OSBPL3: variants seen among roughly 807,000 people sequenced by gnomAD.
OSBPL3 encodes the protein oxysterol binding protein like 3, also known as oxysterol-binding protein-related protein 3.
Under a neutral mutation model 120.1 loss-of-function variants are expected in OSBPL3, and 65 were observed. The ratio of observed to expected loss-of-function variants is 0.54; its 90% CI spans 0.44 to 0.67. The LOEUF (loss-of-function observed/expected upper bound fraction) is 0.67. OSBPL3 is among the 30% of genes least tolerant of loss of function. The pLI is 0.00. For missense variants in OSBPL3, 1,004 were observed against 1,082.1 expected (o/e 0.93, Z 1.01); for synonymous variants, 416 against 402.6 (o/e 1.03, Z -0.40).
At position 24,953,048 on chromosome 7, in the gene OSBPL3, G is replaced by T. The variant is rs1307093237; in HGVS notation, c.-150+26838C>A. ...CCTACTTGAGAGACTAGGATAGGAGGGTCACTTGAGCCTAGGATTTCAAGG... is the reference window on the plus strand; with the variant it reads ...CCTACTTGAGAGACTAGGATAGGAGTGTCACTTGAGCCTAGGATTTCAAGG... On this transcript the variant is annotated intron_variant, in intron 1 of 22. Transcript: ENST00000313367. This position sits in a 1 kb window ranked among gnomAD's most constrained non-coding sequence, Gnocchi z 4.3. Among the ~76,000 whole-genome samples, 3 of 152,170 alleles carry T rather than the reference G, an allele frequency of 2.0e-5. No homozygotes were observed. The highest frequency in any genetic ancestry group is 3.9e-4 in the East Asian group (2 of 5,178).
intron 2 of OSBPL3, among the ~76,000 whole-genome samples, chr7:24,887,304 A>G (rs1804668314): frequency 1.3e-5 from 2 of 152,202 alleles, no homozygotes; most frequent in African/African-American, 4.8e-5. Context: ...TCCTACAAGA[A>G]AAGTAGATTC....
intron 22 of OSBPL3, among the ~76,000 whole-genome samples, chr7:24,801,737 A>G (rs911944863): frequency 1.3e-5 from 2 of 152,248 alleles, no homozygotes; most frequent in South Asian, 2.1e-4. Context: ...GCGGGGCTGC[A>G]TAATAGCTAC....
chr7:24,847,424 GT>G (rs1462400677), intron 12 of OSBPL3, among the ~76,000 whole-genome samples: 2 of 152,220 alleles, frequency 1.3e-5, no homozygotes, highest in African/African-American at 4.8e-5. Flanking sequence ...CAAGAAGGCT[GT>G]TTTGGAAGGT....
upstream of OSBPL3, chr7:24,981,565 A>ATTCTGTTCACATTTCATC (rs1818365489): frequency 6.6e-6 from 1 of 152,374 alleles, no homozygotes; most frequent in Non-Finnish European, 1.5e-5. The surrounding 1 kb of genome is among the most constrained non-coding windows in gnomAD (Gnocchi z 7.3). Context: ...TTCCGGAGCT[A>ATTCTGTTCACATTTCATC]TTCTGTTCAC....
rs1562762217 is a variant in OSBPL3 at position 24,813,034 on chromosome 7, G to A, written c.2172+2025C>T. 2.0e-5 allele frequency among the ~76,000 whole-genome samples: 3 copies of A among 152,124 alleles called. No homozygotes were observed. Among genetic ancestry groups the A allele is most frequent in the South Asian group, 2.1e-4 (1 of 4,822 alleles). On this transcript the variant is annotated intron_variant, in intron 19 of 22. Coordinates refer to ENST00000313367, the MANE Select transcript of OSBPL3 (RefSeq NM_015550.4). This position sits in a 1 kb window ranked among gnomAD's most constrained non-coding sequence, Gnocchi z 4.5. Reference sequence around the variant, plus strand: ...GCTGGGACTACAGGTGCATGCCACCGTGTCTGGCTAATTTTTAAATTTGTT... The same window carrying A: ...GCTGGGACTACAGGTGCATGCCACCATGTCTGGCTAATTTTTAAATTTGTT...
chr7:24,886,780 T>C (rs1804591657), intron 2 of OSBPL3, among the ~76,000 whole-genome samples: 1 of 152,194 alleles, frequency 6.6e-6, no homozygotes, highest in Non-Finnish European at 1.5e-5. Context: ...AACCAGAACA[T>C]TTGTGAAGGC....
chr7:24,942,026 C>T (rs1356524736), intron 1 of OSBPL3, among the ~76,000 whole-genome samples: 1 of 152,150 alleles, frequency 6.6e-6, no homozygotes, highest in African/African-American at 2.4e-5. Context: ...ACACATAACG[C>T]AACAGAAAAG....
In OSBPL3 at chr7:24,969,787, G is replaced by A. The variant is rs2128534803; in HGVS notation, c.-150+10099C>T. 1.3e-5 allele frequency among the ~76,000 whole-genome samples: 2 copies of A among 152,118 alleles called. 1 individual carries two copies. Among genetic ancestry groups the A allele is most frequent in the Middle Eastern group, 6.8e-3 (2 of 294 alleles). ...CTCTCACTGTGACCATCCCAGTTCA[G>A]GTCTCATCACTTTGTGCCTATACTC... is the stretch of plus-strand genomic sequence containing the variant. On this transcript the variant is annotated intron_variant, in intron 1 of 22. Transcript: ENST00000313367.
At chr7:24,943,820 T>A (rs1813376836) in intron 1 of OSBPL3, among the ~76,000 whole-genome samples, 1 of 152,168 alleles carries the variant, frequency 6.6e-6, no homozygotes, top group Non-Finnish European at 1.5e-5. Context: ...AGAATAAATA[T>A]CATAAATAGA....
chr7:24,837,504 T>C (rs1797155839), intron 14 of OSBPL3, among the ~76,000 whole-genome samples: 1 of 152,196 alleles, frequency 6.6e-6, no homozygotes. Context: ...GTGCCTTGCC[T>C]GTAGTCATTT....
intron 20 of OSBPL3, 117 bp from the exon 21 acceptor site, chr7:24,807,019 T>C (rs1793136443): frequency 1.2e-6 from 1 of 831,254 alleles, no homozygotes; most frequent in South Asian, 2.0e-5. Flanking sequence ...CTCCCTTCCA[T>C]TTCTGTTAAA....
At chr7:24,880,711 C>A (rs80203917) in intron 2 of OSBPL3, among the ~76,000 whole-genome samples, 6,114 of 152,000 alleles carry the variant, frequency 0.04, 320 homozygotes, top group African/African-American at 0.12. Flanking sequence ...TTTGGGGCTG[C>A]GAAAAATGAG....
chr7:24,890,324 G>A (rs542819264), intron 2 of OSBPL3, among the ~76,000 whole-genome samples: 3 of 152,240 alleles, frequency 2.0e-5, no homozygotes, highest in South Asian at 2.1e-4. Context: ...CTTCAGTGAC[G>A]TGACTGGAAA....
At chr7:24,909,541 T>A (rs1275021447) in intron 1 of OSBPL3, among the ~76,000 whole-genome samples, 1 of 152,138 alleles carries the variant, frequency 6.6e-6, no homozygotes, top group Non-Finnish European at 1.5e-5. Flanking sequence ...ACTTTAATCG[T>A]GTTAAAGTTA....
intron 22 of OSBPL3, among the ~76,000 whole-genome samples, chr7:24,800,980 C>T (rs1322497725): frequency 3.4e-5 from 5 of 149,160 alleles, no homozygotes; most frequent in African/African-American, 9.9e-5. Context: ...TGGTGGCTCA[C>T]GCCTGTAATC....
At chr7:24,928,409 T>G (rs1811362348) in intron 1 of OSBPL3, among the ~76,000 whole-genome samples, 1 of 152,106 alleles carries the variant, frequency 6.6e-6, no homozygotes, top group Non-Finnish European at 1.5e-5. Flanking sequence ...GCCAGGATGG[T>G]CTCGATCTCC....
intron 20 of OSBPL3, among the ~76,000 whole-genome samples, chr7:24,807,819 G>A (rs1412081747): frequency 6.6e-6 from 1 of 152,080 alleles, no homozygotes; most frequent in African/African-American, 2.4e-5. Context: ...TAAATCCAAT[G>A]TAGACTACTA....
In OSBPL3 at chr7:24,849,105, G is replaced by C; in HGVS notation, c.1230C>G (p.Ser410=). 1 of 1,614,006 alleles carries C rather than the reference G, an allele frequency of 6.2e-7. No individual in the cohort carries two copies. The highest frequency in any genetic ancestry group is 8.5e-7 in the Non-Finnish European group (1 of 1,179,878). The change falls in exon 12 of 23, where the codon TCC becomes TCG. Residue 410 remains serine, a synonymous_variant. Coordinates refer to ENST00000313367, the MANE Select transcript of OSBPL3 (RefSeq NM_015550.4). This position sits in a 1 kb window ranked among gnomAD's most constrained non-coding sequence, Gnocchi z 5.4. ...RIHAESLLLD[S]PAVAKSGDNL... ...TGTCACCCGACTTGGCGACAGCGGG[G>C]GAGTCGAGGAGCAGAGACTCGGCAT...
chr7:24,894,526 C>G lies in OSBPL3; in HGVS notation c.-149-1905G>C, dbSNP rs899927488. Among the ~76,000 whole-genome samples the G allele has an allele frequency of 1.3e-5, 2 of 151,674 alleles. No homozygotes were observed. Among genetic ancestry groups the G allele is most frequent in the Non-Finnish European group, 1.5e-5 (1 of 67,964 alleles). Reference sequence around the variant, plus strand: ...GAAAGAAAAAAAAAAAATCAAAAACCTGGTGGGAGCCCCAAATGATGAAAT... The same window carrying G: ...GAAAGAAAAAAAAAAAATCAAAAACGTGGTGGGAGCCCCAAATGATGAAAT... On this transcript the variant is annotated intron_variant, in intron 1 of 22. Coordinates refer to ENST00000313367, the MANE Select transcript of OSBPL3 (RefSeq NM_015550.4). This position sits in a 1 kb window ranked among gnomAD's most constrained non-coding sequence, Gnocchi z 4.1.
Sources: gnomAD v4.1 joint callset for allele counts (sites outside exome capture counted in the v4.1 genomes callset) on GRCh38, gnomAD v4.1.1 for gene constraint, Gnocchi (gnomAD v3.1) non-coding constraint, MANE v1.5 for transcripts, NCBI Gene and HGNC (gene_info 2026-07-23, HGNC 2026-07-21) for gene names.